MYRIP: variants seen among roughly 807,000 people sequenced by gnomAD.
The protein encoded by MYRIP is myosin VIIA and Rab interacting protein.
Under a neutral mutation model 98.0 loss-of-function variants are expected in MYRIP, and 49 were observed. The ratio of observed to expected loss-of-function variants is 0.50; its 90% CI spans 0.40 to 0.63. The LOEUF is 0.63. MYRIP is among the 30% of genes least tolerant of loss of function. MYRIP has a pLI of 0.00. For synonymous variants in MYRIP, 404 were observed against 409.5 expected, an observed-to-expected ratio of 0.99 and a Z score of 0.16; for missense variants, 1,004 against 1,058.2, an observed-to-expected ratio of 0.95 and a Z score of 0.71.
chr3:40,008,828 G>T (rs1279793741), intron 2 of MYRIP, among the ~76,000 whole-genome samples: 2 of 152,202 alleles, frequency 1.3e-5, no homozygotes, highest in African/African-American at 2.4e-5. Flanking sequence ...CTGCAGATTT[G>T]CCTCTTGTCT....
intron 3 of MYRIP, among the ~76,000 whole-genome samples, chr3:40,123,916 C>T (rs1949462517): frequency 1.3e-5 from 2 of 152,198 alleles, no homozygotes; most frequent in South Asian, 4.1e-4. Context: ...GACAGCTATT[C>T]CTGAGAACTA....
intron 2 of MYRIP, among the ~76,000 whole-genome samples, chr3:39,987,584 A>G (rs143027507): frequency 2.1e-4 from 32 of 152,248 alleles, no homozygotes; most frequent in Middle Eastern, 3.4e-3. Context: ...TTGCCACACT[A>G]TCTTTGGCAA....
At chr3:40,189,164 C>A (rs1033945865) in intron 9 of MYRIP, among the ~76,000 whole-genome samples, 1 of 152,254 alleles carries the variant, frequency 6.6e-6, no homozygotes, top group Non-Finnish European at 1.5e-5. Context: ...TAAAAGTTAG[C>A]AGCTCTGTGA....
At chr3:40,075,181 G>C (rs560617073) in intron 3 of MYRIP, among the ~76,000 whole-genome samples, 1 of 152,196 alleles carries the variant, frequency 6.6e-6, no homozygotes, top group East Asian at 1.9e-4. Flanking sequence ...CACAATTACT[G>C]GGAAGATAAG....
chr3:40,218,636 A>ATATTT (rs199859791), intron 11 of MYRIP, among the ~76,000 whole-genome samples: 1 of 133,878 alleles, frequency 7.5e-6, no homozygotes, highest in Admixed American at 7.4e-5. Context: ...ATATATATAT[A>ATATTT]TATATATATA....
At chr3:39,888,213 A>G (rs1394841338) in intron 1 of MYRIP, among the ~76,000 whole-genome samples, 1 of 152,194 alleles carries the variant, frequency 6.6e-6, no homozygotes, top group Non-Finnish European at 1.5e-5. Flanking sequence ...AAGGGCCCAC[A>G]TCACCAAGTC....
chr3:39,969,564 G>T (rs537617542), intron 2 of MYRIP, among the ~76,000 whole-genome samples: 1 of 152,026 alleles, frequency 6.6e-6, no homozygotes, highest in East Asian at 1.9e-4. Context: ...GCTTTTTCTG[G>T]GTCTATTGAG....
At chr3:40,239,165 T>A (rs184889935) in intron 12 of MYRIP, among the ~76,000 whole-genome samples, 1 of 151,482 alleles carries the variant, frequency 6.6e-6, no homozygotes, top group Non-Finnish European at 1.5e-5. Flanking sequence ...GTGTTTGGTT[T>A]TTTGTTCTTG....
intron 3 of MYRIP, among the ~76,000 whole-genome samples, chr3:40,117,524 T>C (rs1949310314): frequency 6.6e-6 from 1 of 152,224 alleles, no homozygotes; most frequent in African/African-American, 2.4e-5. Context: ...TCACTACTCA[T>C]GTCCAGTGTC....
At chr3:39,811,039 A>C (rs1329455339) in intron 1 of MYRIP, among the ~76,000 whole-genome samples, 1 of 152,132 alleles carries the variant, frequency 6.6e-6, no homozygotes, top group Non-Finnish European at 1.5e-5. Context: ...TATGCAAATG[A>C]TGTCGGGTGT....
intron 1 of MYRIP, among the ~76,000 whole-genome samples, chr3:39,889,502 G>C (rs897763657): frequency 5.3e-5 from 8 of 152,248 alleles, no homozygotes; most frequent in African/African-American, 1.7e-4. Context: ...ACACAGGAAG[G>C]GGAACATCAC....
At chr3:39,860,653 C>G (rs1942440099) in intron 1 of MYRIP, among the ~76,000 whole-genome samples, 1 of 152,148 alleles carries the variant, frequency 6.6e-6, no homozygotes, top group East Asian at 1.9e-4. Flanking sequence ...CCATGCCTGA[C>G]CATTGAAGAG....
intron 5 of MYRIP, among the ~76,000 whole-genome samples, chr3:40,165,907 TG>T (rs1950490657): frequency 6.6e-6 from 1 of 152,210 alleles, no homozygotes; most frequent in Non-Finnish European, 1.5e-5. Flanking sequence ...TCAGAGGAAT[TG>T]GAATCCAGCT....
intron 2 of MYRIP, among the ~76,000 whole-genome samples, chr3:39,979,367 G>A (rs933188170): frequency 2.0e-5 from 3 of 152,002 alleles, no homozygotes; most frequent in East Asian, 3.9e-4. Context: ...GGCCAGGCAC[G>A]GTGGCTCATG....
At chr3:39,952,056 C>T (rs957185483) in intron 2 of MYRIP, among the ~76,000 whole-genome samples, 1 of 152,144 alleles carries the variant, frequency 6.6e-6, no homozygotes, top group Non-Finnish European at 1.5e-5. Flanking sequence ...TGCATTCAGC[C>T]TCTTCCCACC....
chr3:40,108,689 G>C (rs1490176946), intron 3 of MYRIP, among the ~76,000 whole-genome samples: 2 of 152,176 alleles, frequency 1.3e-5, no homozygotes, highest in Non-Finnish European at 2.9e-5. Context: ...CCTTTGACTG[G>C]GGAGAGCAAT....
chr3:40,204,171 T>TATATA (rs1559451919), intron 10 of MYRIP, among the ~76,000 whole-genome samples: 5 of 34,888 alleles, frequency 1.4e-4, no homozygotes, highest in South Asian at 1.5e-3. Flanking sequence ...ATATAATATT[T>TATATA]ATATATTATA....
chr3:40,175,568 C>A (rs1172928699), intron 8 of MYRIP, among the ~76,000 whole-genome samples: 1 of 152,270 alleles, frequency 6.6e-6, no homozygotes, highest in Admixed American at 6.5e-5. Context: ...CCCGATGGCA[C>A]TGGCCTGACT....
At chr3:40,066,094 G>A (rs1187565543) in intron 3 of MYRIP, among the ~76,000 whole-genome samples, 2 of 152,196 alleles carry the variant, frequency 1.3e-5, no homozygotes, top group Admixed American at 1.3e-4. Context: ...CATAATGGAA[G>A]AAGAGTTGGA....
Sources: gnomAD v4.1 joint callset for allele counts (sites outside exome capture counted in the v4.1 genomes callset) on GRCh38, gnomAD v4.1.1 for gene constraint, MANE v1.5 for transcripts, NCBI Gene and HGNC (gene_info 2026-07-23, HGNC 2026-07-21) for gene names.